Variants in KANK1 observed in about 807,000 individuals in gnomAD.
KANK1 encodes the protein KN motif and ankyrin repeat domain-containing protein 1.
A neutral mutation model predicts 106.2 loss-of-function variants in KANK1; 109 were observed. That is an observed-to-expected ratio of 1.03 (90% CI 0.88 to 1.20). The LOEUF is 1.20. Among genes scored for constraint, KANK1 ranks in the 50% most tolerant of loss-of-function variants. KANK1 has a pLI of 0.00. For missense variants in KANK1, 2,399 were observed against 1,710.7 expected, an observed-to-expected ratio of 1.40 and a Z score of -7.10; for synonymous variants, 873 against 652.2, an observed-to-expected ratio of 1.34 and a Z score of -5.16.
intron 1 of KANK1, among the ~76,000 whole-genome samples, chr9:577,433 TAC>T (rs1482379594): frequency 2.0e-5 from 3 of 152,184 alleles, no homozygotes; most frequent in Non-Finnish European, 4.4e-5. Flanking sequence ...GGTGCGTTTT[TAC>T]AGAGTGCTGA....
intron 2 of KANK1, among the ~76,000 whole-genome samples, chr9:710,424 C>T (rs752099196): frequency 5.3e-5 from 8 of 151,910 alleles, no homozygotes; most frequent in Non-Finnish European, 1.0e-4. Flanking sequence ...TCGAGACCAG[C>T]CTGGCCAACA....
intron 3 of KANK1, chr9:476,654 G>A (rs962093523): frequency 2.0e-5 from 3 of 152,180 alleles, no homozygotes; most frequent in African/African-American, 7.2e-5. Flanking sequence ...CTGCCCAGCT[G>A]TTGAAATATC....
rs1589109333 is a variant in KANK1, at chr9:711,205, C to T, written c.439C>T (p.Leu147Phe). ...ACAGCTGCCACCTCCCTCACCACAA[C>T]TCCCAAAGCATAACCTTCATGTCAC... ...NRQLPPPSPQ[L>F]PKHNLHVTKT... The change falls in exon 3 of 12, where the codon CTC (leucine) becomes TTC (phenylalanine). Residue 147 changes from leucine (L) to phenylalanine (F), a missense_variant. Physicochemically the swap from Leu to Phe is conservative, Grantham distance 22. Transcript: ENST00000382297. 6.2e-7 allele frequency: 1 copy of T among 1,614,192 alleles called. No individual in the cohort carries two copies. Among genetic ancestry groups the T allele is most frequent in the Non-Finnish European group, 8.5e-7 (1 of 1,180,034 alleles).
intron 1 of KANK1, among the ~76,000 whole-genome samples, chr9:606,639 TTACA>T (rs1829270095): frequency 1.5e-5 from 1 of 67,130 alleles, no homozygotes; most frequent in Non-Finnish European, 5.9e-5. Context: ...TTTATATATA[TTACA>T]TATATATATA....
intron 1 of KANK1, among the ~76,000 whole-genome samples, chr9:653,696 T>C (rs904527875): frequency 2.0e-5 from 3 of 152,190 alleles, no homozygotes; most frequent in African/African-American, 7.2e-5. Context: ...CAAGCAGTTC[T>C]TTTGCATTTG....
At chr9:651,487 G>A (rs1187186011) in intron 1 of KANK1, among the ~76,000 whole-genome samples, 1 of 152,176 alleles carries the variant, frequency 6.6e-6, no homozygotes, top group Non-Finnish European at 1.5e-5. Flanking sequence ...GCATCTGCAT[G>A]TGTTGGGTGT....
At chr9:551,962 G>A (rs1407852388) in intron 1 of KANK1, among the ~76,000 whole-genome samples, 4 of 152,048 alleles carry the variant, frequency 2.6e-5, no homozygotes, top group Admixed American at 6.6e-5. Context: ...AGGCTGAGTT[G>A]GGAGGATCAC....
At chr9:508,610 A>C (rs1323866103) in intron 1 of KANK1, among the ~76,000 whole-genome samples, 2 of 151,638 alleles carry the variant, frequency 1.3e-5, no homozygotes, top group Non-Finnish European at 2.9e-5. Context: ...ACTGTGGATT[A>C]GTTTTATCTG....
At chr9:521,951 G>T (rs2059574001) in intron 1 of KANK1, among the ~76,000 whole-genome samples, 1 of 151,774 alleles carries the variant, frequency 6.6e-6, no homozygotes, top group African/African-American at 2.4e-5. Context: ...AACAGCCACA[G>T]GCAGCTCATA....
rs533310665 is a variant in KANK1, at chr9:696,963, A to G, written c.38-13841A>G. 6.6e-5 allele frequency among the ~76,000 whole-genome samples: 10 copies of G among 152,328 alleles called. 1 individual carries two copies. In the South Asian group the frequency reaches 1.0e-3, roughly 16 times the overall value. On this transcript the variant is annotated intron_variant, in intron 2 of 11. Transcript: ENST00000382297. Reference sequence around the variant, plus strand: ...ATGCACAGATGAAGAAAGGAAAGACAGAAATAAAATTTATTTTTAAATAAT... The same window carrying G: ...ATGCACAGATGAAGAAAGGAAAGACGGAAATAAAATTTATTTTTAAATAAT...
intron 1 of KANK1, among the ~76,000 whole-genome samples, chr9:639,498 G>T (rs1386305995): frequency 1.3e-5 from 2 of 151,904 alleles, no homozygotes; most frequent in South Asian, 4.2e-4. Flanking sequence ...TGTATTCTTA[G>T]TAGAGACAGG....
At chr9:537,169 C>G (rs922604892) in intron 1 of KANK1, among the ~76,000 whole-genome samples, 9 of 152,226 alleles carry the variant, frequency 5.9e-5, no homozygotes, top group African/African-American at 2.2e-4. Flanking sequence ...TCCTAAACAA[C>G]TCTTTTTCCT....
Position 684,637 on chromosome 9 carries a change from C to A in KANK1, c.37+7628C>A, listed in dbSNP as rs551367274. The A allele has an allele frequency of 1.5e-5, 14 of 941,766 alleles. No homozygotes were observed. In the South Asian group the frequency reaches 4.9e-4, roughly 33 times the overall value. 58.3% of individuals were successfully genotyped at this position (941,766 alleles called of 1,614,324 possible). A position where few individuals can be genotyped will look rare whatever the true frequency, so the allele number is the denominator to read the frequency against. ...CTCTTTCTTGAATGAGTTGGGTGGG[C>A]TAGCTGAGCCCATCAAAGGTATAGC... On this transcript the variant is annotated intron_variant, in intron 2 of 11. Transcript: ENST00000382297.
intron 1 of KANK1, among the ~76,000 whole-genome samples, chr9:571,434 A>G (rs1819136125): frequency 1.3e-5 from 2 of 152,222 alleles, no homozygotes; most frequent in African/African-American, 4.8e-5. Flanking sequence ...GAAAAATAAT[A>G]AAATAAAAAG....
intron 2 of KANK1, among the ~76,000 whole-genome samples, chr9:686,289 A>G (rs905088515): frequency 3.9e-5 from 6 of 152,156 alleles, no homozygotes; most frequent in African/African-American, 1.4e-4. Context: ...TATTCAACTC[A>G]GGGACGCACC....
upstream of KANK1, among the ~76,000 whole-genome samples, chr9:501,247 T>G (rs1013146125): frequency 3.3e-5 from 5 of 152,198 alleles, no homozygotes; most frequent in Non-Finnish European, 7.3e-5. Flanking sequence ...TAAAAGTTCA[T>G]TTTTAAATCC....
rs1423401357 is a variant in KANK1 at position 742,393 on chromosome 9, C to T, written c.3885C>T (p.His1295=). 1 of 1,613,136 alleles carries T rather than the reference C, an allele frequency of 6.2e-7. No individual in the cohort carries two copies. Among genetic ancestry groups the T allele is most frequent in the Non-Finnish European group, 8.5e-7 (1 of 1,179,528 alleles). The change falls in exon 10 of 12, where the codon CAC becomes CAT. Residue 1295 remains histidine (H), a synonymous_variant. Transcript: ENST00000382297. The stretch of plus-strand genomic sequence containing the variant: ...TGGCCCAGCCCGGCTGCAACGGTCA[C>T]CTAGAGGACAACGTAAGCTGTCTCC... ...LLLAQPGCNG[H]LEDNDGSTAL...
chr9:652,884 A>G (rs1247732942), intron 1 of KANK1, among the ~76,000 whole-genome samples: 4 of 152,262 alleles, frequency 2.6e-5, no homozygotes, highest in South Asian at 2.1e-4. Flanking sequence ...TTTGGAAGGG[A>G]TGGGGAAAAA....
intron 1 of KANK1, among the ~76,000 whole-genome samples, chr9:638,881 C>G (rs959157068): frequency 1.3e-5 from 2 of 152,340 alleles, no homozygotes; most frequent in Non-Finnish European, 1.5e-5. Flanking sequence ...AAAAGGGCAT[C>G]AGCAATGTCG....
Sources: allele counts gnomAD v4.1 joint callset (sites outside exome capture counted in the v4.1 genomes callset), GRCh38; gene constraint gnomAD v4.1.1; transcripts MANE v1.5; gene names NCBI Gene and HGNC (gene_info 2026-07-23, HGNC 2026-07-21).